NCOA7: variants seen among roughly 807,000 people sequenced by gnomAD.
NCOA7 encodes 140 kDa estrogen receptor-associated protein.
Under a neutral mutation model 104.3 loss-of-function variants are expected in NCOA7, and 45 were observed. The observed-to-expected ratio is 0.43, with a 90% CI of 0.34 to 0.55. The LOEUF is 0.55. Ranked by LOEUF, NCOA7 falls within the 20% of genes least tolerant of loss-of-function variation. The pLI, the probability that NCOA7 is intolerant of heterozygous loss-of-function variation, is 0.02. For missense variants in NCOA7, 1,041 were observed against 1,119.7 expected (o/e 0.93, Z 1.00); for synonymous variants, 398 against 402.3 (o/e 0.99, Z 0.13).
Position 125,927,248 on chromosome 6 carries a change from A to G in NCOA7, c.2524-415A>G, listed in dbSNP as rs1048539473. Among the ~76,000 whole-genome samples the G allele has an allele frequency of 4.6e-5, 7 of 152,232 alleles. No individual in the cohort carries two copies. The East Asian group carries it at 7.7e-4, about 17-fold the overall frequency. ...AGCCATGACTCCACTTATAAAATACATAAGAGATGTGACTGTGTTGTCCCA... is the reference window on the plus strand; with the variant it reads ...AGCCATGACTCCACTTATAAAATACGTAAGAGATGTGACTGTGTTGTCCCA... On this transcript the variant is annotated intron_variant, in intron 13 of 15. Transcript: ENST00000392477.
chr6:125,844,932 G>A (rs1236526638), intron 2 of NCOA7, among the ~76,000 whole-genome samples: 1 of 152,160 alleles, frequency 6.6e-6, no homozygotes, highest in East Asian at 1.9e-4. Flanking sequence ...GTGTTTAATA[G>A]TAAAGTAAGC....
Position 125,874,950 on chromosome 6 carries a change from T to C in NCOA7, c.333T>C (p.His111=), listed in dbSNP as rs1377114590. Residue 111 remains histidine (H), a synonymous_variant, in exon 4 of 16, where the codon CAT becomes CAC. Coordinates refer to ENST00000392477, the MANE Select transcript of NCOA7 (RefSeq NM_181782.5). ...KEKKMVVQKP[H]GTMEYTAGNQ... ...AGAAGATGGTGGTTCAGAAGCCCCA[T>C]GGGACTATGGAATACACTGTGAGTA... 2.5e-6 allele frequency: 4 copies of C among 1,613,208 alleles called. No homozygotes were observed. The highest frequency in any genetic ancestry group is 2.5e-6 in the Non-Finnish European group (3 of 1,179,362).
chr6:125,784,987 AACACACACACAC>A (rs3084325), intron 1 of NCOA7, among the ~76,000 whole-genome samples: 4 of 148,300 alleles, frequency 2.7e-5, no homozygotes, highest in African/African-American at 1.0e-4. Context: ...GTTGCATATA[AACACACACACAC>A]ACACACACAC....
intron 3 of NCOA7, among the ~76,000 whole-genome samples, chr6:125,869,353 A>C (rs1352713832): frequency 6.6e-6 from 1 of 151,928 alleles, no homozygotes; most frequent in Non-Finnish European, 1.5e-5. Context: ...CAATGTCCAC[A>C]TCTCACATCA....
intron 15 of NCOA7, 145 bp from the exon 16 acceptor site, chr6:125,928,490 AT>A: frequency 1.1e-6 from 1 of 937,866 alleles, no homozygotes; most frequent in Middle Eastern, 3.3e-4. Context: ...TTTAAATGAA[AT>A]AAAGGAAATG....
In NCOA7 at chr6:125,890,771, G is replaced by T; in HGVS notation, c.2057G>T (p.Arg686Ile). 1 of 1,612,962 alleles carries T rather than the reference G, an allele frequency of 6.2e-7. No homozygotes were observed. The highest frequency in any genetic ancestry group is 8.5e-7 in the Non-Finnish European group (1 of 1,179,546). Residue 686 changes from arginine to isoleucine, a missense_variant, in exon 10 of 16, where the codon AGA becomes ATA. By Grantham distance (97) the Arg-to-Ile change is moderately conservative (BLOSUM62 -3). This residue lies in a region of NCOA7 where 914 missense variants were observed against 942.7 expected (regional missense o/e 0.97). Coordinates refer to ENST00000392477, the MANE Select transcript of NCOA7 (RefSeq NM_181782.5). Reference protein sequence around the residue: ...AAMVQQYGKRRKQPEYWFAVP... With the variant: ...AAMVQQYGKRIKQPEYWFAVP... ...ATGGTCCAGCAGTACGGCAAACGGA[G>T]AAAGCAGCCAGAGTACTGGTTTGCT...
chr6:125,855,073 C>G lies in NCOA7; in HGVS notation c.104C>G (p.Ala35Gly), dbSNP rs1025245959. Residue 35 changes from alanine to glycine, a missense_variant, in exon 3 of 16, where the codon GCT becomes GGT. Ala to Gly is a moderately conservative substitution (Grantham distance 60). This residue lies in a region of NCOA7 where 914 missense variants were observed against 942.7 expected (regional missense o/e 0.97). Coordinates refer to ENST00000392477, the MANE Select transcript of NCOA7 (RefSeq NM_181782.5). ...KQNAETASAV[A>G]TRTHTGKEDN... The stretch of plus-strand genomic sequence containing the variant: ...AATGCAGAGACAGCCTCAGCTGTAG[C>G]TACAAGGACTCATACTGGGAAGGAA... 1.2e-6 allele frequency: 2 copies of G among 1,612,682 alleles called. No individual in the cohort carries two copies. Among genetic ancestry groups the G allele is most frequent in the African/African-American group, 1.3e-5 (1 of 74,734 alleles).
At chr6:125,871,992 G>A (rs1418399777) in intron 3 of NCOA7, among the ~76,000 whole-genome samples, 4 of 122,304 alleles carry the variant, frequency 3.3e-5, no homozygotes, top group Non-Finnish European at 6.5e-5. Flanking sequence ...GGGAGACCCT[G>A]TCTCAGAAAA....
chr6:125,815,166 A>T (rs1192785800), intron 1 of NCOA7, 125 bp from the exon 2 acceptor site: 4 of 411,270 alleles, frequency 9.7e-6, no homozygotes, highest in Middle Eastern at 1.1e-3. Flanking sequence ...GACTCATGTG[A>T]CTGTTTCCTG....
At chr6:125,819,111 C>T (rs1432975283) in intron 2 of NCOA7, among the ~76,000 whole-genome samples, 1 of 152,054 alleles carries the variant, frequency 6.6e-6, no homozygotes, top group Non-Finnish European at 1.5e-5. Flanking sequence ...AAACTAGGAA[C>T]ACCTAGTTTT....
At chr6:125,878,944 A>G (rs1437162650) in intron 5 of NCOA7, among the ~76,000 whole-genome samples, 1 of 152,202 alleles carries the variant, frequency 6.6e-6, no homozygotes. Flanking sequence ...TCAACTGTTT[A>G]AGCACAGGAA....
At chr6:125,915,962 C>A (rs893656996) in intron 11 of NCOA7, among the ~76,000 whole-genome samples, 5 of 152,122 alleles carry the variant, frequency 3.3e-5, no homozygotes, top group East Asian at 3.9e-4. Flanking sequence ...AATATGAAAT[C>A]TTTCTTAGCT....
In NCOA7 at chr6:125,922,675, T is replaced by A; in HGVS notation, c.2371-7T>A. On this transcript the variant is annotated splice_region_variant and splice_polypyrimidine_tract_variant and intron_variant, in intron 12 of 15. Transcript: ENST00000392477. ...TTCTGTTTACATCTCTTCCTTTGGC[T>A]TTGTAGCTGGCCCGACGCCTTCCTG... is the stretch of plus-strand genomic sequence containing the variant. The A allele has an allele frequency of 6.2e-7, 1 of 1,610,400 alleles. No individual in the cohort carries two copies. Among genetic ancestry groups the A allele is most frequent in the Non-Finnish European group, 8.5e-7 (1 of 1,178,814 alleles).
At chr6:125,878,884 G>A (rs920685117) in intron 5 of NCOA7, among the ~76,000 whole-genome samples, 2 of 152,184 alleles carry the variant, frequency 1.3e-5, no homozygotes, top group African/African-American at 4.8e-5. Context: ...TCACTTCCAT[G>A]TTGAGGTAGC....
At chr6:125,802,559 A>G (rs1776002538) in intron 1 of NCOA7, 1 of 152,226 alleles carries the variant, frequency 6.6e-6, no homozygotes, top group African/African-American at 2.4e-5. Flanking sequence ...CTCACAGTCT[A>G]TTGGTCAAAA....
At position 125,927,716 on chromosome 6, in the gene NCOA7, C is replaced by T. The variant is rs530003258; in HGVS notation, c.2577C>T (p.Gly859=). ...TCAAGTTCAGTGACCACTATTATGG[C>T]ACAGGCGAAACTTTTCTCTACACAT... ...HPFKFSDHYY[G]TGETFLYTFS... is the part of the protein sequence containing the mutation. Residue 859 remains glycine, a synonymous_variant, in exon 14 of 16, where the codon GGC becomes GGT. Transcript: ENST00000392477. The T allele has an allele frequency of 1.1e-5, 18 of 1,614,102 alleles. No homozygotes were observed. In the East Asian group the frequency reaches 3.6e-4, roughly 32 times the overall value.
chr6:125,920,979 A>C lies in NCOA7; in HGVS notation c.2281A>C (p.Thr761Pro). 2 of 1,613,846 alleles carry C rather than the reference A, an allele frequency of 1.2e-6. No individual in the cohort carries two copies. The highest frequency in any genetic ancestry group is 1.7e-6 in the Non-Finnish European group (2 of 1,179,798). Residue 761 changes from threonine (T) to proline (P), a missense_variant, in exon 12 of 16, where the codon ACA becomes CCA. Around this residue, in one of 2 missense-constraint regions of NCOA7, gnomAD observed 914 missense variants for 942.7 expected, o/e 0.97. Coordinates refer to ENST00000392477, the MANE Select transcript of NCOA7 (RefSeq NM_181782.5). ...TVEEAKRRKS[T>P]CSYYEDEDEE... ...TGAAGAGGCAAAGCGCAGGAAGAGC[A>C]CATGCAGCTACTATGAAGACGAGGA... is the stretch of plus-strand genomic sequence containing the variant.
At chr6:125,920,188 C>CA (rs1787447714) in intron 11 of NCOA7, among the ~76,000 whole-genome samples, 1 of 152,188 alleles carries the variant, frequency 6.6e-6, no homozygotes, top group Non-Finnish European at 1.5e-5. Flanking sequence ...TTTTTATCAT[C>CA]TCTGAACAGT....
chr6:125,815,289 A>G lies in NCOA7; in HGVS notation c.-64-2A>G. ...CAGTTGCTTTGTTATCTTTTCTTAC[A>G]GGGTTACGACTCACTGATTAAAAAG... On this transcript the variant is annotated splice_acceptor_variant, in intron 1 of 15. Transcript: ENST00000392477. LOFTEE classifies it low-confidence loss of function (5UTR_SPLICE). 1 of 1,198,536 alleles carries G rather than the reference A, an allele frequency of 8.3e-7. No homozygotes were observed. Among genetic ancestry groups the G allele is most frequent in the South Asian group, 1.5e-5 (1 of 64,574 alleles). The allele number at this position is 1,198,536 out of a possible 1,614,324, so 74.2% of individuals were successfully genotyped here. A position where few individuals can be genotyped will look rare whatever the true frequency, so the allele number is the denominator to read the frequency against.
Sources: allele counts gnomAD v4.1 joint callset (sites outside exome capture counted in the v4.1 genomes callset), GRCh38; gene constraint gnomAD v4.1.1; regional missense constraint gnomAD v4.1.1; transcripts MANE v1.5; gene names NCBI Gene and HGNC (gene_info 2026-07-23, HGNC 2026-07-21).